ASB13: variants seen among roughly 807,000 people sequenced by gnomAD.
ASB13 encodes the protein ankyrin repeat and SOCS box containing 13.
A neutral mutation model predicts 28.8 loss-of-function variants in ASB13; 33 were observed. The observed-to-expected ratio is 1.15, with a 90% CI of 0.87 to 1.53. The LOEUF (loss-of-function observed/expected upper bound fraction) is 1.53. ASB13 is among the 40% of genes most tolerant of loss of function. The probability of loss-of-function intolerance (pLI) is 0.00; values close to 1 mark genes in which losing one functional copy is unlikely to be tolerated. For missense variants in ASB13, 414 were observed against 390.1 expected (o/e 1.06, Z -0.52); for synonymous variants, 182 against 172.9 (o/e 1.05, Z -0.41).
At chr10:5,654,619 A>G (rs1835043305) in intron 1 of ASB13, among the ~76,000 whole-genome samples, 1 of 152,218 alleles carries the variant, frequency 6.6e-6, no homozygotes, top group African/African-American at 2.4e-5. Context: ...ACACTTTAAA[A>G]TGTCACAAAT....
chr10:5,639,703 C>G lies in ASB13; in HGVS notation c.*1000G>C, dbSNP rs1486407078. The G allele has an allele frequency of 6.6e-5, 10 of 152,346 alleles. No individual in the cohort carries two copies. Among genetic ancestry groups the G allele is most frequent in the African/African-American group, 1.9e-4 (8 of 41,488 alleles). 9.4% of individuals were successfully genotyped at this position (152,346 alleles called of 1,614,324 possible). A position where few individuals can be genotyped will look rare whatever the true frequency, so the allele number is the denominator to read the frequency against. ...TCCCGTCCAACTCAAAGCACTGGGACAATGCTGGATGTGATAGATGGTCTT... is the reference window on the plus strand; with the variant it reads ...TCCCGTCCAACTCAAAGCACTGGGAGAATGCTGGATGTGATAGATGGTCTT... On this transcript the variant is annotated 3_prime_UTR_variant, in exon 6 of 6. Coordinates refer to ENST00000357700, the MANE Select transcript of ASB13 (RefSeq NM_024701.4).
rs1247642367 is a variant in ASB13 at position 5,656,706 on chromosome 10, G to T, written c.44-3656C>A. Among the ~76,000 whole-genome samples the T allele has an allele frequency of 2.0e-5, 3 of 152,204 alleles. No homozygotes were observed. Among genetic ancestry groups the T allele is most frequent in the African/African-American group, 4.8e-5 (2 of 41,432 alleles). ...TTGAAATTAACTCTGGGATTAAAAG[G>T]AAAGCATGTAAACAACTAGCTATGT... On this transcript the variant is annotated intron_variant, in intron 1 of 5. Transcript: ENST00000357700. This position sits in a 1 kb window ranked among gnomAD's most constrained non-coding sequence, Gnocchi z 4.3.
chr10:5,645,076 C>T lies in ASB13; in HGVS notation c.518-3115G>A, dbSNP rs551329227. Among the ~76,000 whole-genome samples the T allele has an allele frequency of 2.6e-5, 4 of 152,024 alleles. No individual in the cohort carries two copies. In the East Asian group the frequency reaches 7.7e-4, roughly 29 times the overall value. ...AAAAGGGGTCAACACAGGCTCATTA[C>T]CAAAATCCTGCTTTCAACACAAAAT... On this transcript the variant is annotated intron_variant, in intron 4 of 5. Transcript: ENST00000357700. The surrounding 1 kb of genome is among the most constrained non-coding windows in gnomAD (Gnocchi z 5.4).
chr10:5,666,117 C>T (rs1430707184), intron 1 of ASB13, among the ~76,000 whole-genome samples: 3 of 152,166 alleles, frequency 2.0e-5, no homozygotes, highest in Non-Finnish European at 2.9e-5. Flanking sequence ...ACCGTGGGCT[C>T]GCGCCTGGCT....
rs2131448463 is a variant in ASB13 at position 5,650,749 on chromosome 10, C to A, written c.382+464G>T. Among the ~76,000 whole-genome samples the A allele has an allele frequency of 6.6e-6, 1 of 152,218 alleles. No homozygotes were observed. Among genetic ancestry groups the A allele is most frequent in the East Asian group, 1.9e-4 (1 of 5,192 alleles). On this transcript the variant is annotated intron_variant, in intron 3 of 5. Transcript: ENST00000357700. The surrounding 1 kb of genome is among the most constrained non-coding windows in gnomAD (Gnocchi z 6.0). The stretch of plus-strand genomic sequence containing the variant: ...TCCCAGCATCTGCAGTCTGCCTATT[C>A]TTGGGGGGCAGATGAGGTCCCACCT...
At position 5,663,439 on chromosome 10, in the gene ASB13, CT is replaced by C. The variant is rs1564223332; in HGVS notation, c.43+3069del. 6.6e-6 allele frequency among the ~76,000 whole-genome samples: 1 copy of C among 152,192 alleles called. No homozygotes were observed. The highest frequency in any genetic ancestry group is 6.5e-5 in the Admixed American group (1 of 15,284). On this transcript the variant is annotated intron_variant, in intron 1 of 5. Transcript: ENST00000357700. The surrounding 1 kb of genome is among the most constrained non-coding windows in gnomAD (Gnocchi z 4.9). ...TGCTACCCCGACTCCTCCCTTGCCC[CT>C]GGTCCACCCCAAAGGCTATGGCCCA...
In ASB13 at chr10:5,664,140, G is replaced by A. The variant is rs1835217467; in HGVS notation, c.43+2369C>T. 6.6e-6 allele frequency among the ~76,000 whole-genome samples: 1 copy of A among 152,146 alleles called. No homozygotes were observed. The highest frequency in any genetic ancestry group is 1.5e-5 in the Non-Finnish European group (1 of 68,022). On this transcript the variant is annotated intron_variant, in intron 1 of 5. Coordinates refer to ENST00000357700, the MANE Select transcript of ASB13 (RefSeq NM_024701.4). The surrounding 1 kb of genome is among the most constrained non-coding windows in gnomAD (Gnocchi z 4.2). ...GGCACCCGGGGTTGGGACCAGCAAA[G>A]AGCAGGGAATCTGAACTACCCCTGG...
At chr10:5,648,350 AC>A (rs1474520107) in intron 4 of ASB13, among the ~76,000 whole-genome samples, 4 of 126,834 alleles carry the variant, frequency 3.2e-5, no homozygotes, top group Non-Finnish European at 5.6e-5. Context: ...CACGTGGGCA[AC>A]ACCCACGGGG....
intron 4 of ASB13, among the ~76,000 whole-genome samples, chr10:5,648,071 G>A (rs369652382): frequency 5.5e-4 from 61 of 111,188 alleles, no homozygotes; most frequent in Middle Eastern, 6.3e-3. Context: ...AAACACCCAC[G>A]CAGGCAAACA....
Position 5,663,028 on chromosome 10 carries a change from A to C in ASB13, c.43+3481T>G, listed in dbSNP as rs1187897138. On this transcript the variant is annotated intron_variant, in intron 1 of 5. Coordinates refer to ENST00000357700, the MANE Select transcript of ASB13 (RefSeq NM_024701.4). The surrounding 1 kb of genome is among the most constrained non-coding windows in gnomAD (Gnocchi z 4.9). Reference sequence around the variant, plus strand: ...GTTGCTACAGTGATATTTTTCAACCATGTCTTTTTAAATGTTTTCATTATG... The same window carrying C: ...GTTGCTACAGTGATATTTTTCAACCCTGTCTTTTTAAATGTTTTCATTATG... Among the ~76,000 whole-genome samples, 2 of 152,172 alleles carry C rather than the reference A, an allele frequency of 1.3e-5. No homozygotes were observed. Among genetic ancestry groups the C allele is most frequent in the Non-Finnish European group, 2.9e-5 (2 of 68,036 alleles).
In ASB13 at chr10:5,642,821, T is replaced by C. The variant is rs996823090; in HGVS notation, c.518-860A>G. 3.3e-5 allele frequency among the ~76,000 whole-genome samples: 5 copies of C among 152,168 alleles called. No individual in the cohort carries two copies. The highest frequency in any genetic ancestry group is 1.2e-4 in the African/African-American group (5 of 41,440). On this transcript the variant is annotated intron_variant, in intron 4 of 5. Coordinates refer to ENST00000357700, the MANE Select transcript of ASB13 (RefSeq NM_024701.4). The surrounding 1 kb of genome is among the most constrained non-coding windows in gnomAD (Gnocchi z 4.1). ...CACCATGCCCGGCTAATTTTTCTAT[T>C]TTTTGTAGAGACGGGGTTTTGCCGT...
chr10:5,662,550 G>C (rs772765868), intron 1 of ASB13, among the ~76,000 whole-genome samples: 1,025 of 56,798 alleles, frequency 0.018, 146 homozygotes, highest in Admixed American at 0.11. Flanking sequence ...GGAGGGGAGG[G>C]GAGGGGAGGG....
Position 5,650,041 on chromosome 10 carries a change from G to A in ASB13, c.383-937C>T, listed in dbSNP as rs546804876. ...CAGAGCCATGTGCTGGCCACCGGCC[G>A]GTGTCTCCCACTCTAGAGCCCTCTC... On this transcript the variant is annotated intron_variant, in intron 3 of 5. Coordinates refer to ENST00000357700, the MANE Select transcript of ASB13 (RefSeq NM_024701.4). The surrounding 1 kb of genome is among the most constrained non-coding windows in gnomAD (Gnocchi z 6.0). Among the ~76,000 whole-genome samples, 6 of 152,212 alleles carry A rather than the reference G, an allele frequency of 3.9e-5. No individual in the cohort carries two copies. The South Asian group carries it at 8.3e-4, about 21-fold the overall frequency.
Position 5,649,425 on chromosome 10 carries a change from G to A in ASB13, c.383-321C>T, listed in dbSNP as rs972321459. 6.6e-6 allele frequency among the ~76,000 whole-genome samples: 1 copy of A among 151,940 alleles called. No individual in the cohort carries two copies. Among genetic ancestry groups the A allele is most frequent in the Admixed American group, 6.5e-5 (1 of 15,270 alleles). On this transcript the variant is annotated intron_variant, in intron 3 of 5. Transcript: ENST00000357700. This position sits in a 1 kb window ranked among gnomAD's most constrained non-coding sequence, Gnocchi z 6.4. ...AACTCCCCCGCTGCCCCCCTGCCCT[G>A]TGTCTACCTGCGGCTGTCAGCACTG...
Position 5,640,299 on chromosome 10 carries a change from C to T in ASB13, c.*404G>A, listed in dbSNP as rs780632678. ...CCTGCACCTGGGGCCTGTGCATCTG[C>T]GGCAGGCTGCCCCGGTGAGTGAGAA... On this transcript the variant is annotated 3_prime_UTR_variant, in exon 6 of 6. Coordinates refer to ENST00000357700, the MANE Select transcript of ASB13 (RefSeq NM_024701.4). The T allele has an allele frequency of 2.2e-4, 37 of 164,660 alleles. No homozygotes were observed. Among genetic ancestry groups the T allele is most frequent in the Non-Finnish European group, 3.6e-4 (27 of 75,454 alleles). 10.2% of individuals were successfully genotyped at this position (164,660 alleles called of 1,614,324 possible). A position where few individuals can be genotyped will look rare whatever the true frequency, so the allele number is the denominator to read the frequency against.
At chr10:5,647,171 G>T (rs959370495) in intron 4 of ASB13, among the ~76,000 whole-genome samples, 1 of 152,116 alleles carries the variant, frequency 6.6e-6, no homozygotes, top group East Asian at 1.9e-4. Flanking sequence ...TGTTTCCCAG[G>T]CTGGCTGAAA....
At position 5,661,921 on chromosome 10, in the gene ASB13, A is replaced by T. The variant is rs1835173042; in HGVS notation, c.43+4588T>A. The stretch of plus-strand genomic sequence containing the variant: ...GTCAAAAACAACCAGCAGCCTCTGT[A>T]AGAAGCCCTCCCTGCAAAACCCCAG... On this transcript the variant is annotated intron_variant, in intron 1 of 5. Coordinates refer to ENST00000357700, the MANE Select transcript of ASB13 (RefSeq NM_024701.4). The surrounding 1 kb of genome is among the most constrained non-coding windows in gnomAD (Gnocchi z 4.9). Among the ~76,000 whole-genome samples, 1 of 152,202 alleles carries T rather than the reference A, an allele frequency of 6.6e-6. No individual in the cohort carries two copies. The highest frequency in any genetic ancestry group is 2.1e-4 in the South Asian group (1 of 4,830).
intron 4 of ASB13, among the ~76,000 whole-genome samples, chr10:5,646,569 G>A (rs1343127267): frequency 6.6e-6 from 1 of 152,202 alleles, no homozygotes; most frequent in Non-Finnish European, 1.5e-5. Flanking sequence ...AGAAACTGAG[G>A]CCTGGGTGAC....
chr10:5,646,815 G>A (rs1030132891), intron 4 of ASB13, among the ~76,000 whole-genome samples: 4 of 152,130 alleles, frequency 2.6e-5, no homozygotes, highest in Non-Finnish European at 2.9e-5. Context: ...AATGGAACTC[G>A]TGTGTACTGA....
Sources: gnomAD v4.1 joint callset for allele counts (sites outside exome capture counted in the v4.1 genomes callset) on GRCh38, gnomAD v4.1.1 for gene constraint, Gnocchi (gnomAD v3.1) non-coding constraint, MANE v1.5 for transcripts, NCBI Gene and HGNC (gene_info 2026-07-23, HGNC 2026-07-21) for gene names.